ABLIM2: variants seen among roughly 807,000 people sequenced by gnomAD.
The protein encoded by ABLIM2 is actin binding LIM protein family member 2, also known as actin-binding LIM protein 2.
In ABLIM2, 53 loss-of-function variants were observed where a neutral mutation model predicts 97.7. The ratio of observed to expected loss-of-function variants is 0.54; its 90% confidence interval spans 0.44 to 0.68. The LOEUF is 0.68. Among genes scored for constraint, ABLIM2 ranks in the 30% least tolerant of loss-of-function variants. ABLIM2 has a pLI of 0.00. For missense variants in ABLIM2, 835 were observed against 867.2 expected (o/e 0.96, Z 0.47); for synonymous variants, 361 against 345.8 (o/e 1.04, Z -0.49).
rs746288193 is a variant in ABLIM2, at chr4:8,022,921, C to G, written c.1268-2618G>C. On this transcript the variant is annotated intron_variant, in intron 12 of 20. Coordinates refer to ENST00000447017, the MANE Select transcript of ABLIM2 (RefSeq NM_001130083.2). The surrounding 1 kb of genome is among the most constrained non-coding windows in gnomAD (Gnocchi z 7.8). ...TCCTTCTCCTCTTCTTCCTCCTCCA[C>G]TTTTTCCTCTTCCTCCTCCTCCTCC... 4.5e-5 allele frequency: 7 copies of G among 154,050 alleles called. No homozygotes were observed. Among genetic ancestry groups the G allele is most frequent in the Non-Finnish European group, 8.7e-5 (6 of 69,228 alleles). The allele number at this position is 154,050 out of a possible 1,614,324, so 9.5% of individuals were successfully genotyped here. A position where few individuals can be genotyped will look rare whatever the true frequency, so the allele number is the denominator to read the frequency against.
At position 7,966,888 on chromosome 4, in the gene ABLIM2, A is replaced by C; in HGVS notation, c.*102T>G. On this transcript the variant is annotated 3_prime_UTR_variant, in exon 21 of 21. Transcript: ENST00000447017. Reference sequence around the variant, plus strand: ...CCCCTCCCGCCCACCCCATGGACACAGAGAAGCCAGAGCAAGGTGTGTGGG... The same window carrying C: ...CCCCTCCCGCCCACCCCATGGACACCGAGAAGCCAGAGCAAGGTGTGTGGG... 2 of 258,310 alleles carry C rather than the reference A, an allele frequency of 7.7e-6. No individual in the cohort carries two copies. Among genetic ancestry groups the C allele is most frequent in the South Asian group, 4.1e-5 (1 of 24,176 alleles). The allele number at this position is 258,310 out of a possible 1,614,324, so 16.0% of individuals were successfully genotyped here. A position where few individuals can be genotyped will look rare whatever the true frequency, so the allele number is the denominator to read the frequency against.
chr4:8,079,377 C>T (rs985563623), intron 5 of ABLIM2, among the ~76,000 whole-genome samples: 8 of 152,202 alleles, frequency 5.3e-5, no homozygotes, highest in East Asian at 1.9e-4. Context: ...GAGCTGCCAA[C>T]GCTGCGGGAG....
At chr4:8,008,834 G>A (rs1763031456) in intron 15 of ABLIM2, among the ~76,000 whole-genome samples, 1 of 152,146 alleles carries the variant, frequency 6.6e-6, no homozygotes, top group Non-Finnish European at 1.5e-5. Flanking sequence ...CCATAACCAA[G>A]TCACACGGGC....
At chr4:7,977,127 G>A (rs963398399) in intron 20 of ABLIM2, among the ~76,000 whole-genome samples, 8 of 152,128 alleles carry the variant, frequency 5.3e-5, no homozygotes, top group Non-Finnish European at 7.3e-5. Flanking sequence ...TAGAGAGTGA[G>A]TTCTCACGAG....
chr4:7,995,284 T>C (rs1299630665), intron 16 of ABLIM2, among the ~76,000 whole-genome samples: 1 of 152,200 alleles, frequency 6.6e-6, no homozygotes, highest in Non-Finnish European at 1.5e-5. Context: ...GTCACCCCAG[T>C]ACTGGGCCCT....
chr4:7,993,546 G>T (rs1356033439), intron 16 of ABLIM2, among the ~76,000 whole-genome samples: 1 of 152,158 alleles, frequency 6.6e-6, no homozygotes, highest in Non-Finnish European at 1.5e-5. Flanking sequence ...CTGTGGTGGT[G>T]CACGCCTGTG....
intron 1 of ABLIM2, among the ~76,000 whole-genome samples, chr4:8,107,007 G>T (rs1435126642): frequency 6.6e-6 from 1 of 152,192 alleles, no homozygotes; most frequent in Admixed American, 6.5e-5. Flanking sequence ...AACCTGGCAC[G>T]ACCTTACCCT....
chr4:7,987,431 T>C (rs1483368920), intron 17 of ABLIM2, among the ~76,000 whole-genome samples: 2 of 152,150 alleles, frequency 1.3e-5, no homozygotes, highest in Non-Finnish European at 2.9e-5. Flanking sequence ...TCAAGAACAA[T>C]GTTTTGATAC....
At chr4:7,972,453 A>G (rs928079403) in intron 20 of ABLIM2, among the ~76,000 whole-genome samples, 2 of 152,130 alleles carry the variant, frequency 1.3e-5, no homozygotes, top group East Asian at 1.9e-4. Flanking sequence ...TGTGTCCCTC[A>G]AGGCTGAGTC....
intron 4 of ABLIM2, among the ~76,000 whole-genome samples, 164 bp from the exon 5 acceptor site, chr4:8,080,966 C>G (rs1561239695): frequency 6.6e-6 from 1 of 152,150 alleles, no homozygotes; most frequent in South Asian, 2.1e-4. Context: ...ACACAGCAGT[C>G]TCTGGAGCAT....
chr4:7,973,940 GAGA>G (rs1211208779), intron 20 of ABLIM2, among the ~76,000 whole-genome samples: 1 of 152,246 alleles, frequency 6.6e-6, no homozygotes, highest in Non-Finnish European at 1.5e-5. Flanking sequence ...CTGACTGCAA[GAGA>G]AGGAGATCGC....
chr4:8,040,619 AAAAAAG>A (rs1489675528), intron 9 of ABLIM2, among the ~76,000 whole-genome samples: 47 of 147,440 alleles, frequency 3.2e-4, no homozygotes, highest in Admixed American at 1.6e-3. Context: ...TCAAAAAAAA[AAAAAAG>A]AAAAGAAAAG....
intron 16 of ABLIM2, chr4:8,007,705 G>A (rs1762310259): frequency 2.9e-6 from 3 of 1,048,878 alleles, no homozygotes; most frequent in South Asian, 7.9e-5. Flanking sequence ...CCATGCCCAT[G>A]TCTGCTCTGG....
At chr4:8,097,028 G>A in intron 3 of ABLIM2, 71 bp downstream of exon 3, 1 of 1,497,618 alleles carries the variant, frequency 6.7e-7, no homozygotes, top group Non-Finnish European at 9.0e-7. Context: ...AGGAAGAAGG[G>A]AAGGGAGGGA....
chr4:8,090,124 C>A (rs529710545), intron 3 of ABLIM2, among the ~76,000 whole-genome samples: 58 of 152,262 alleles, frequency 3.8e-4, no homozygotes, highest in African/African-American at 1.2e-3. Flanking sequence ...GCCCTCCCCT[C>A]CCATCCACTG....
At chr4:8,038,737 G>T (rs952278081) in intron 9 of ABLIM2, among the ~76,000 whole-genome samples, 2 of 152,128 alleles carry the variant, frequency 1.3e-5, no homozygotes, top group African/African-American at 4.8e-5. Flanking sequence ...CTGGGGCAGG[G>T]TTCAAAAGAC....
intron 1 of ABLIM2, among the ~76,000 whole-genome samples, chr4:8,108,833 T>C (rs1309739491): frequency 6.6e-6 from 1 of 152,250 alleles, no homozygotes; most frequent in African/African-American, 2.4e-5. Context: ...TCCTCACGTC[T>C]TCCTTTATTT....
At chr4:8,139,418 A>C (rs2152942251) in intron 1 of ABLIM2, among the ~76,000 whole-genome samples, 1 of 152,354 alleles carries the variant, frequency 6.6e-6, no homozygotes, top group East Asian at 1.9e-4. Context: ...AGAAAAAAAC[A>C]ACCCCATCAA....
intron 10 of ABLIM2, 85 bp from the exon 11 acceptor site, chr4:8,029,861 G>A: frequency 6.7e-7 from 1 of 1,496,718 alleles, no homozygotes; most frequent in Non-Finnish European, 9.0e-7. Flanking sequence ...ACCATTTGGT[G>A]TTTGCCCTCC....
Sources: gnomAD v4.1 joint callset for allele counts (sites outside exome capture counted in the v4.1 genomes callset) on GRCh38, gnomAD v4.1.1 for gene constraint, Gnocchi (gnomAD v3.1) non-coding constraint, MANE v1.5 for transcripts, NCBI Gene and HGNC (gene_info 2026-07-23, HGNC 2026-07-21) for gene names.